ZNF804A: variants seen among roughly 807,000 people sequenced by gnomAD.
ZNF804A encodes zinc finger protein 804A.
Under a neutral mutation model 16.5 loss-of-function variants are expected in ZNF804A, and 2 were observed. That is an observed-to-expected ratio of 0.12 (90% confidence interval 0.05 to 0.38). ZNF804A has a LOEUF of 0.38. Ranked by LOEUF, ZNF804A falls within the 10% of genes least tolerant of loss-of-function variation. ZNF804A has a pLI of 0.99. For missense variants in ZNF804A, 1,473 were observed against 1,390.7 expected (o/e 1.06, Z -0.94); for synonymous variants, 534 against 489.6 (o/e 1.09, Z -1.20).
chr2:184,600,677 T>C (rs1276148010), intron 1 of ZNF804A, among the ~76,000 whole-genome samples: 1 of 152,140 alleles, frequency 6.6e-6, no homozygotes, highest in Non-Finnish European at 1.5e-5. Flanking sequence ...GTGTAGGTGA[T>C]AAAATGCATA....
intron 2 of ZNF804A, among the ~76,000 whole-genome samples, chr2:184,892,304 C>T (rs947826955): frequency 1.1e-4 from 16 of 152,090 alleles, no homozygotes; most frequent in Admixed American, 2.6e-4. Context: ...GTAATTTTAG[C>T]GGAGCCCAGC....
At chr2:184,710,172 A>AAACT (rs1321634560) in intron 1 of ZNF804A, among the ~76,000 whole-genome samples, 1 of 151,294 alleles carries the variant, frequency 6.6e-6, no homozygotes, top group Non-Finnish European at 1.5e-5. Context: ...GACACACAGT[A>AAACT]AACTGTACAT....
At chr2:184,675,476 C>A (rs552239848) in intron 1 of ZNF804A, among the ~76,000 whole-genome samples, 1 of 151,608 alleles carries the variant, frequency 6.6e-6, no homozygotes, top group South Asian at 2.1e-4. Flanking sequence ...TTTGATAATT[C>A]TTTTTAAATA....
intron 1 of ZNF804A, among the ~76,000 whole-genome samples, chr2:184,750,030 T>C (rs1466916715): frequency 1.3e-5 from 2 of 151,392 alleles, no homozygotes; most frequent in Admixed American, 1.3e-4. Context: ...AGATGGTCTC[T>C]CAGAAAGTTC....
rs188932193 is a variant in ZNF804A, at chr2:184,708,275, C to T, written c.111+109205C>T. On this transcript the variant is annotated intron_variant, in intron 1 of 3. Transcript: ENST00000302277. ...GTGCCTAAGCTCTTTAATTAGGTCCCGCTTGTCAATTTTTGTTTCTGTTGC... is the reference window on the plus strand; with the variant it reads ...GTGCCTAAGCTCTTTAATTAGGTCCTGCTTGTCAATTTTTGTTTCTGTTGC... Among the ~76,000 whole-genome samples, 11 of 151,978 alleles carry T rather than the reference C, an allele frequency of 7.2e-5. No homozygotes were observed. The East Asian group carries it at 1.5e-3, about 21-fold the overall frequency.
intron 2 of ZNF804A, among the ~76,000 whole-genome samples, chr2:184,890,565 G>C (rs1315350978): frequency 6.6e-6 from 1 of 152,024 alleles, no homozygotes; most frequent in Non-Finnish European, 1.5e-5. Flanking sequence ...AACCCTGGTT[G>C]TATAGGAAGA....
At chr2:184,842,523 T>TA (rs71403991) in intron 1 of ZNF804A, among the ~76,000 whole-genome samples, 78 of 147,328 alleles carry the variant, frequency 5.3e-4, no homozygotes, top group Non-Finnish European at 7.7e-4. Flanking sequence ...TTTTTTTTTT[T>TA]AAAAAAAAAG....
chr2:184,824,300 A>G (rs1441078899), intron 1 of ZNF804A, among the ~76,000 whole-genome samples: 1 of 152,202 alleles, frequency 6.6e-6, no homozygotes, highest in Non-Finnish European at 1.5e-5. Context: ...TTTCAATTAA[A>G]TTCACATCTC....
chr2:184,834,841 C>G (rs896139226), intron 1 of ZNF804A, among the ~76,000 whole-genome samples: 1 of 151,976 alleles, frequency 6.6e-6, no homozygotes, highest in South Asian at 2.1e-4. Flanking sequence ...GCTTTGAAGC[C>G]CTGACTATTC....
chr2:184,696,214 T>G (rs966631905), intron 1 of ZNF804A, among the ~76,000 whole-genome samples: 2 of 152,078 alleles, frequency 1.3e-5, no homozygotes, highest in African/African-American at 4.8e-5. Context: ...GAGAGAATAC[T>G]TTCAACAAAG....
At chr2:184,892,483 CTTT>C (rs869292193) in intron 2 of ZNF804A, among the ~76,000 whole-genome samples, 1 of 105,708 alleles carries the variant, frequency 9.5e-6, no homozygotes. Context: ...TTGTTGTGTT[CTTT>C]TTTTTTTTTT....
chr2:184,685,727 C>T (rs567241727), intron 1 of ZNF804A, among the ~76,000 whole-genome samples: 2 of 152,300 alleles, frequency 1.3e-5, no homozygotes, highest in African/African-American at 4.8e-5. Flanking sequence ...TACATGTTTT[C>T]ATTCCAGGCC....
chr2:184,660,198 A>G (rs1411543566), intron 1 of ZNF804A, among the ~76,000 whole-genome samples: 1 of 152,234 alleles, frequency 6.6e-6, no homozygotes, highest in South Asian at 2.1e-4. Context: ...CACAAAACAC[A>G]TAACATTTTG....
intron 2 of ZNF804A, among the ~76,000 whole-genome samples, chr2:184,899,357 AT>A (rs1237997042): frequency 6.6e-6 from 1 of 152,030 alleles, no homozygotes; most frequent in African/African-American, 2.4e-5. Context: ...TCCAAAATGT[AT>A]TTTTAATAGG....
chr2:184,680,949 A>G (rs143750158), intron 1 of ZNF804A, among the ~76,000 whole-genome samples: 4 of 152,360 alleles, frequency 2.6e-5, no homozygotes, highest in African/African-American at 9.6e-5. Flanking sequence ...AGCTGCTTGC[A>G]GTGTGCCTGG....
At chr2:184,790,706 C>A (rs1456000449) in intron 1 of ZNF804A, among the ~76,000 whole-genome samples, 1 of 152,020 alleles carries the variant, frequency 6.6e-6, no homozygotes, top group Non-Finnish European at 1.5e-5. Context: ...TAGGTTCACG[C>A]CATTCTCCTG....
intron 2 of ZNF804A, among the ~76,000 whole-genome samples, chr2:184,887,976 T>C (rs1684923193): frequency 6.6e-6 from 1 of 151,822 alleles, no homozygotes; most frequent in Admixed American, 6.6e-5. Flanking sequence ...TACTTGAGAG[T>C]GGAGGTTGGG....
chr2:184,921,823 C>T (rs530338351), intron 2 of ZNF804A, among the ~76,000 whole-genome samples: 4 of 151,966 alleles, frequency 2.6e-5, no homozygotes, highest in Admixed American at 6.6e-5. Context: ...TCTCCATCTC[C>T]GTGAGTTTAA....
chr2:184,647,458 C>T (rs1691896935), intron 1 of ZNF804A, among the ~76,000 whole-genome samples: 1 of 152,142 alleles, frequency 6.6e-6, no homozygotes, highest in South Asian at 2.1e-4. Context: ...GGAAGCTCAA[C>T]AGGATCCAAT....
Sources: gnomAD v4.1 joint callset for allele counts (sites outside exome capture counted in the v4.1 genomes callset) on GRCh38, gnomAD v4.1.1 for gene constraint, MANE v1.5 for transcripts, NCBI Gene and HGNC (gene_info 2026-07-23, HGNC 2026-07-21) for gene names.